MEI4: variants seen among roughly 807,000 people sequenced by gnomAD.
MEI4 encodes meiotic double-stranded break formation protein 4.
A neutral mutation model predicts 31.4 loss-of-function variants in MEI4; 27 were observed. The observed-to-expected ratio is 0.86, with a 90% CI of 0.63 to 1.19. The LOEUF is 1.19. Ranked by LOEUF, MEI4 falls within the 50% of genes most tolerant of loss-of-function variation. MEI4 has a pLI of 0.00. For missense variants in MEI4, 329 were observed against 398.9 expected, an observed-to-expected ratio of 0.82 and a Z score of 1.49; for synonymous variants, 122 against 145.4, an observed-to-expected ratio of 0.84 and a Z score of 1.16.
chr6:77,884,378 T>C (rs1015155895), intron 4 of MEI4, among the ~76,000 whole-genome samples: 1 of 152,224 alleles, frequency 6.6e-6, no homozygotes, highest in African/African-American at 2.4e-5. Context: ...TATGTGTCTA[T>C]TATTGTTTTT....
chr6:77,760,188 G>A (rs1768009245), intron 2 of MEI4, among the ~76,000 whole-genome samples: 1 of 151,856 alleles, frequency 6.6e-6, no homozygotes, highest in African/African-American at 2.4e-5. Context: ...ACACACACAT[G>A]TGTACATACA....
chr6:77,726,875 G>A (rs1766837889), intron 2 of MEI4, among the ~76,000 whole-genome samples: 1 of 152,110 alleles, frequency 6.6e-6, no homozygotes, highest in African/African-American at 2.4e-5. Flanking sequence ...AGAATAAAAA[G>A]GAGTGCTCAA....
intron 4 of MEI4, among the ~76,000 whole-genome samples, chr6:77,842,189 A>G (rs984203314): frequency 1.3e-5 from 2 of 152,186 alleles, no homozygotes. Context: ...CTTTAACAAG[A>G]TTTAAAGAAT....
intron 4 of MEI4, among the ~76,000 whole-genome samples, chr6:77,836,068 T>G: frequency 6.6e-6 from 1 of 152,156 alleles, no homozygotes; most frequent in East Asian, 1.9e-4. Flanking sequence ...GAATCTGTAA[T>G]GTTTTTAATT....
chr6:77,905,746 T>A (rs1766281015), intron 4 of MEI4, among the ~76,000 whole-genome samples: 2 of 151,292 alleles, frequency 1.3e-5, no homozygotes, highest in South Asian at 4.2e-4. Context: ...TCTGCCCACC[T>A]CGGCCTCCCA....
At chr6:77,782,115 G>A (rs2127691402) in intron 3 of MEI4, among the ~76,000 whole-genome samples, 1 of 152,240 alleles carries the variant, frequency 6.6e-6, no homozygotes, top group Non-Finnish European at 1.5e-5. Flanking sequence ...AATGGAGAGA[G>A]GGTAATGTTG....
intron 4 of MEI4, among the ~76,000 whole-genome samples, chr6:77,858,919 A>G (rs1018586326): frequency 4.1e-4 from 8 of 19,326 alleles, no homozygotes; most frequent in African/African-American, 1.9e-3. Flanking sequence ...AAAAAAAAAG[A>G]AAACAGGACA....
intron 4 of MEI4, among the ~76,000 whole-genome samples, chr6:77,870,237 A>C (rs1177996011): frequency 6.6e-6 from 1 of 152,208 alleles, no homozygotes; most frequent in East Asian, 1.9e-4. Flanking sequence ...CATGATGCTG[A>C]GCATGGACAG....
chr6:77,833,264 A>T (rs907928234), intron 4 of MEI4, among the ~76,000 whole-genome samples: 1 of 152,010 alleles, frequency 6.6e-6, no homozygotes, highest in Non-Finnish European at 1.5e-5. Flanking sequence ...TCTTTATGTT[A>T]TCATAGACTG....
chr6:77,791,716 G>C (rs1159148188), intron 3 of MEI4, among the ~76,000 whole-genome samples: 1 of 151,488 alleles, frequency 6.6e-6, no homozygotes, highest in African/African-American at 2.4e-5. Flanking sequence ...ATTGTGGAGT[G>C]GCTAAATCAA....
intron 3 of MEI4, among the ~76,000 whole-genome samples, chr6:77,812,030 A>T (rs189737098): frequency 6.9e-4 from 105 of 152,272 alleles, no homozygotes; most frequent in Non-Finnish European, 1.2e-3. Flanking sequence ...TGTGTGTGGA[A>T]ATAAACCTTA....
chr6:77,796,703 A>G (rs1265102972), intron 3 of MEI4, among the ~76,000 whole-genome samples: 4 of 152,210 alleles, frequency 2.6e-5, no homozygotes, highest in African/African-American at 9.6e-5. Flanking sequence ...AAACTGAAAG[A>G]CAAGAGTTTA....
Position 77,715,493 on chromosome 6 carries a change from G to A in MEI4, c.232+24590G>A, listed in dbSNP as rs560795910. On this transcript the variant is annotated intron_variant, in intron 2 of 4. Coordinates refer to ENST00000684080, the MANE Select transcript of MEI4 (RefSeq NM_001322247.2). ...GTGCCAAAGTAATTATAGTTTTATC[G>A]TTTTAATCATATTTGACAGGGTAAT... is the stretch of plus-strand genomic sequence containing the variant. Among the ~76,000 whole-genome samples the A allele has an allele frequency of 6.6e-5, 10 of 152,214 alleles. No individual in the cohort carries two copies. The South Asian group carries it at 8.3e-4, about 13-fold the overall frequency.
chr6:77,748,653 A>G (rs890500014), intron 2 of MEI4, among the ~76,000 whole-genome samples: 3 of 152,206 alleles, frequency 2.0e-5, no homozygotes, highest in Admixed American at 6.5e-5. Context: ...TAGACTCCTC[A>G]TTATTTATGT....
intron 1 of MEI4, among the ~76,000 whole-genome samples, chr6:77,679,674 C>T (rs1029947388): frequency 6.6e-6 from 1 of 151,916 alleles, no homozygotes; most frequent in African/African-American, 2.4e-5. Flanking sequence ...GGCCTAGAGA[C>T]GAATTTCTGT....
At chr6:77,790,132 A>G (rs1321467117) in intron 3 of MEI4, among the ~76,000 whole-genome samples, 2 of 151,696 alleles carry the variant, frequency 1.3e-5, no homozygotes, top group African/African-American at 4.8e-5. Context: ...GGAGACTGTC[A>G]TTCTCAGCAA....
intron 2 of MEI4, among the ~76,000 whole-genome samples, chr6:77,757,991 A>G (rs1178318280): frequency 6.6e-6 from 1 of 151,990 alleles, no homozygotes; most frequent in East Asian, 1.9e-4. Flanking sequence ...CCCTGTCTGT[A>G]CTAAAAATAC....
chr6:77,731,976 C>T (rs1361915622), intron 2 of MEI4, among the ~76,000 whole-genome samples: 1 of 147,458 alleles, frequency 6.8e-6, no homozygotes, highest in Non-Finnish European at 1.5e-5. Flanking sequence ...TGTTCTGTTC[C>T]ATTGATCTAT....
At chr6:77,804,255 T>G (rs777238088) in intron 3 of MEI4, among the ~76,000 whole-genome samples, 3 of 151,726 alleles carry the variant, frequency 2.0e-5, no homozygotes, top group Admixed American at 1.3e-4. Context: ...CTCTGAGCCA[T>G]GTACGGGATA....
Sources: allele counts gnomAD v4.1 joint callset (sites outside exome capture counted in the v4.1 genomes callset), GRCh38; gene constraint gnomAD v4.1.1; transcripts MANE v1.5; gene names NCBI Gene and HGNC (gene_info 2026-07-23, HGNC 2026-07-21).